CCDC150: variants seen among roughly 807,000 people sequenced by gnomAD.
The protein encoded by CCDC150 is coiled-coil domain-containing protein 150.
CCDC150 carries 151 observed loss-of-function variants against 156.5 expected under a neutral mutation model. That is an observed-to-expected ratio of 0.97 (90% CI 0.85 to 1.10). The LOEUF (loss-of-function observed/expected upper bound fraction) is 1.10, where lower values mean the gene tolerates loss of function less well. CCDC150 is among the 50% of genes least tolerant of loss of function. CCDC150 has a pLI of 0.00. For synonymous variants in CCDC150, 452 were observed against 429.4 expected (o/e 1.05, Z -0.65); for missense variants, 1,312 against 1,268.1 (o/e 1.03, Z -0.53).
rs567112696 is a variant in CCDC150, at chr2:196,646,343, A to G, written c.15A>G (p.Val5=). The G allele has an allele frequency of 6.2e-7, 1 of 1,613,424 alleles. No individual in the cohort carries two copies. Among genetic ancestry groups the G allele is most frequent in the South Asian group, 1.1e-5 (1 of 91,048 alleles). Residue 5 remains valine (V), a splice_region_variant and synonymous_variant, in exon 2 of 28, where the codon GTA becomes GTG. Transcript: ENST00000389175. The stretch of plus-strand genomic sequence containing the variant: ...TAAGATTGTGACTGTATTCTTAGGT[A>G]CATATGGAAACTACAGTGTCCAGAC... MDCK[V]HMETTVSRPV... is the part of the protein sequence containing the mutation.
chr2:196,685,086 T>G (rs1204291098), intron 13 of CCDC150, among the ~76,000 whole-genome samples: 1 of 152,138 alleles, frequency 6.6e-6, no homozygotes, highest in Non-Finnish European at 1.5e-5. Flanking sequence ...CCATTTTGCT[T>G]TTTTTGTTTC....
chr2:196,684,783 T>C (rs1695032619), intron 13 of CCDC150, among the ~76,000 whole-genome samples: 1 of 152,142 alleles, frequency 6.6e-6, no homozygotes, highest in Non-Finnish European at 1.5e-5. Context: ...GTAAACACTT[T>C]TTCAGTGTAT....
intron 15 of CCDC150, among the ~76,000 whole-genome samples, chr2:196,702,343 C>CTGTGTG (rs3220631): frequency 0.059 from 8,528 of 143,484 alleles, 266 homozygotes; most frequent in Middle Eastern, 0.11. Context: ...GACTGAAGTG[C>CTGTGTG]TGTGTGTGTG....
chr2:196,671,296 A>G (rs1031320104), intron 8 of CCDC150, among the ~76,000 whole-genome samples: 1 of 152,064 alleles, frequency 6.6e-6, no homozygotes, highest in Non-Finnish European at 1.5e-5. Context: ...TGCCTTTTCC[A>G]GAATGCCATA....
chr2:196,662,493 C>T (rs536269474), intron 5 of CCDC150, among the ~76,000 whole-genome samples: 1 of 152,234 alleles, frequency 6.6e-6, no homozygotes, highest in Admixed American at 6.5e-5. Context: ...CTTGCATGCA[C>T]AGTTCACAAT....
chr2:196,699,527 T>G (rs1246119925), intron 14 of CCDC150, among the ~76,000 whole-genome samples: 1 of 151,492 alleles, frequency 6.6e-6, no homozygotes, highest in Non-Finnish European at 1.5e-5. Flanking sequence ...ACTGTGCCTT[T>G]TTTTTTTTTG....
chr2:196,644,036 C>T (rs1692390491), intron 1 of CCDC150, among the ~76,000 whole-genome samples: 1 of 152,090 alleles, frequency 6.6e-6, no homozygotes, highest in East Asian at 1.9e-4. Context: ...CTGCTGCATA[C>T]CTGACTGATG....
At chr2:196,661,654 A>G (rs1412535927) in intron 5 of CCDC150, among the ~76,000 whole-genome samples, 1 of 152,186 alleles carries the variant, frequency 6.6e-6, no homozygotes, top group Non-Finnish European at 1.5e-5. Context: ...GAAGTGTGGT[A>G]TTTATCTTCC....
intron 17 of CCDC150, chr2:196,713,750 C>T: frequency 7.3e-7 from 1 of 1,362,390 alleles, no homozygotes; most frequent in Non-Finnish European, 9.5e-7. Flanking sequence ...AATATTAATC[C>T]AGAAATATAA....
chr2:196,658,737 C>T, intron 4 of CCDC150, 55 bp from the exon 5 acceptor site: 3 of 1,341,872 alleles, frequency 2.2e-6, no homozygotes, highest in South Asian at 1.3e-5. Flanking sequence ...TACCTATAGA[C>T]AATTTCTTCC....
At chr2:196,720,059 G>C (rs577030900) in intron 19 of CCDC150, 8 of 371,734 alleles carry the variant, frequency 2.2e-5, no homozygotes, top group African/African-American at 1.1e-4. Flanking sequence ...TTACTATCCT[G>C]TTTCAAGATT....
At chr2:196,713,316 C>G in intron 17 of CCDC150, 2 of 1,429,496 alleles carry the variant, frequency 1.4e-6, no homozygotes, top group East Asian at 2.5e-5. Flanking sequence ...AAAAATAACT[C>G]TAGGTTTAGC....
chr2:196,663,645 T>A (rs566657911), intron 5 of CCDC150, among the ~76,000 whole-genome samples: 1 of 152,138 alleles, frequency 6.6e-6, no homozygotes, highest in Non-Finnish European at 1.5e-5. Context: ...AAAACCCTCA[T>A]GTCAAAGATC....
chr2:196,710,358 G>A (rs755358112), intron 15 of CCDC150, among the ~76,000 whole-genome samples: 22 of 152,000 alleles, frequency 1.4e-4, no homozygotes, highest in Non-Finnish European at 3.1e-4. Flanking sequence ...TGTTGGAAAA[G>A]CACAGTATTT....
chr2:196,692,350 G>A (rs1183548322), intron 13 of CCDC150, among the ~76,000 whole-genome samples: 1 of 151,064 alleles, frequency 6.6e-6, no homozygotes, highest in Non-Finnish European at 1.5e-5. Context: ...TAGCCAGGAT[G>A]GTCTCGATCT....
chr2:196,676,248 A>C lies in CCDC150; in HGVS notation c.1243A>C (p.Thr415Pro). 6.2e-7 allele frequency: 1 copy of C among 1,613,428 alleles called. No individual in the cohort carries two copies. The highest frequency in any genetic ancestry group is 1.1e-5 in the South Asian group (1 of 90,968). ...ACTACAGACTGTTCAGAATGAGAAA[A>C]CCCAACTCCAGGCACATCTGTAAGT... is the stretch of plus-strand genomic sequence containing the variant. ...NELQTVQNEK[T>P]QLQAHLDHLI... The change falls in exon 11 of 28, where the codon ACC (threonine) becomes CCC (proline). Residue 415 changes from threonine (T) to proline (P), a missense_variant. Physicochemically the swap from Thr to Pro is conservative, Grantham distance 38 (BLOSUM62 -1). Transcript: ENST00000389175.
chr2:196,677,333 A>G lies in CCDC150; in HGVS notation c.1481A>G (p.Asn494Ser), dbSNP rs1390901454. The change falls in exon 13 of 28, where the codon AAT (asparagine) becomes AGT (serine). Residue 494 changes from asparagine to serine, a missense_variant. By Grantham distance (46) the Asn-to-Ser change is conservative. Transcript: ENST00000389175. ...TEKEIVQERC[N>S]LEKELAKNKV... ...AAAGAAATAGTGCAAGAAAGATGCA[A>G]TTTGGAAAAGGAATTAGCTAAAAAC... is the stretch of plus-strand genomic sequence containing the variant. 5 of 1,567,296 alleles carry G rather than the reference A, an allele frequency of 3.2e-6. No individual in the cohort carries two copies. The highest frequency in any genetic ancestry group is 2.7e-5 in the African/African-American group (2 of 73,762).
At chr2:196,678,512 G>A (rs1021450533) in intron 13 of CCDC150, among the ~76,000 whole-genome samples, 12 of 152,168 alleles carry the variant, frequency 7.9e-5, no homozygotes. Flanking sequence ...CCTGTGGCAA[G>A]GACTTTGGTG....
intron 7 of CCDC150, among the ~76,000 whole-genome samples, chr2:196,668,364 G>A (rs1306770637): frequency 6.7e-6 from 1 of 149,408 alleles, no homozygotes; most frequent in African/African-American, 2.5e-5. Flanking sequence ...AAGACCCACA[G>A]CAAGTAGAAT....
Sources: allele counts gnomAD v4.1 joint callset (sites outside exome capture counted in the v4.1 genomes callset), GRCh38; gene constraint gnomAD v4.1.1; transcripts MANE v1.5; gene names NCBI Gene and HGNC (gene_info 2026-07-23, HGNC 2026-07-21).